CDKL4: variants seen among roughly 807,000 people sequenced by gnomAD.
CDKL4 encodes the protein cyclin dependent kinase like 4, also known as cyclin-dependent kinase-like 4.
A neutral mutation model predicts 42.0 loss-of-function variants in CDKL4; 44 were observed. The observed-to-expected ratio is 1.05, with a 90% CI of 0.82 to 1.35. The LOEUF (loss-of-function observed/expected upper bound fraction) is 1.35. Ranked by LOEUF, CDKL4 falls within the 40% of genes most tolerant of loss-of-function variation. The probability of loss-of-function intolerance (pLI) is 0.00; values close to 1 mark genes in which losing one functional copy is unlikely to be tolerated. For synonymous variants in CDKL4, 120 were observed against 121.6 expected (o/e 0.99, Z 0.09); for missense variants, 393 against 369.9 (o/e 1.06, Z -0.51).
intron 6 of CDKL4, among the ~76,000 whole-genome samples, chr2:39,189,771 C>T (rs79439019): frequency 0.022 from 3,328 of 152,320 alleles, 42 homozygotes; most frequent in Middle Eastern, 0.027. Context: ...TATTGGAACA[C>T]AGCTATGCTC....
chr2:39,180,331 T>C (rs950968252), intron 8 of CDKL4, among the ~76,000 whole-genome samples: 1 of 152,374 alleles, frequency 6.6e-6, no homozygotes, highest in South Asian at 2.1e-4. Flanking sequence ...AAACATTGTT[T>C]TGAGGCATTC....
At chr2:39,231,675 T>C (rs1274898484) in intron 1 of CDKL4, among the ~76,000 whole-genome samples, 2 of 152,216 alleles carry the variant, frequency 1.3e-5, no homozygotes, top group Non-Finnish European at 2.9e-5. Context: ...TTTAAAGATA[T>C]TTAGATGTGA....
intron 5 of CDKL4, among the ~76,000 whole-genome samples, chr2:39,191,855 T>A (rs1203107406): frequency 6.6e-6 from 1 of 152,096 alleles, no homozygotes; most frequent in Non-Finnish European, 1.5e-5. Context: ...ACAAATGCAT[T>A]ACAGAGGAGG....
chr2:39,211,048 T>C (rs529138037), intron 4 of CDKL4, among the ~76,000 whole-genome samples: 3 of 152,366 alleles, frequency 2.0e-5, no homozygotes, highest in Admixed American at 2.0e-4. Flanking sequence ...TATGGTACTC[T>C]GTATCATTGC....
intron 5 of CDKL4, among the ~76,000 whole-genome samples, chr2:39,196,340 C>T (rs1377901056): frequency 2.0e-5 from 3 of 152,166 alleles, no homozygotes; most frequent in Non-Finnish European, 2.9e-5. Flanking sequence ...GATCACATCA[C>T]GGGACTCTTT....
intron 5 of CDKL4, among the ~76,000 whole-genome samples, chr2:39,193,950 T>G (rs1478343301): frequency 6.6e-6 from 1 of 152,212 alleles, no homozygotes; most frequent in East Asian, 1.9e-4. Context: ...TTTCCTTATT[T>G]CTGAATGACT....
At chr2:39,233,866 A>C (rs909765570) in intron 1 of CDKL4, among the ~76,000 whole-genome samples, 2 of 149,292 alleles carry the variant, frequency 1.3e-5, no homozygotes, top group Non-Finnish European at 3.0e-5. Flanking sequence ...AGTGGACAAA[A>C]ATTATTTAAG....
intron 8 of CDKL4, among the ~76,000 whole-genome samples, chr2:39,181,096 G>T (rs72927464): frequency 5.3e-5 from 8 of 151,996 alleles, no homozygotes; most frequent in Non-Finnish European, 1.0e-4. Flanking sequence ...TAATACCTCT[G>T]ACCTCTACTT....
chr2:39,200,454 C>T (rs1193029669), intron 5 of CDKL4, among the ~76,000 whole-genome samples: 1 of 152,012 alleles, frequency 6.6e-6, no homozygotes, highest in Non-Finnish European at 1.5e-5. Context: ...CATCAAAATA[C>T]CCCCATCATT....
rs1271302708 is a variant in CDKL4, at chr2:39,221,909, A to G, written c.290+3930T>C. ...GTTGCTTCTCTTGTGCATCCCTTGCATCAACATTAACCCAATCAACATAAC... is the reference window on the plus strand; with the variant it reads ...GTTGCTTCTCTTGTGCATCCCTTGCGTCAACATTAACCCAATCAACATAAC... On this transcript the variant is annotated intron_variant, in intron 3 of 9. Transcript: ENST00000451199. 2.0e-5 allele frequency among the ~76,000 whole-genome samples: 3 copies of G among 152,212 alleles called. No homozygotes were observed. In the East Asian group the frequency reaches 5.8e-4, roughly 29 times the overall value.
chr2:39,219,002 T>A (rs1678136301), intron 3 of CDKL4, among the ~76,000 whole-genome samples: 1 of 152,216 alleles, frequency 6.6e-6, no homozygotes. Context: ...GTGCTTTATT[T>A]TTCTTCAAAG....
rs144964804 is a variant in CDKL4, at chr2:39,234,619, G to C, written c.-56-5031C>G. ...TATATCTATTGAAAAGGCCCATTAGGTAGTTGGGAAAACTGACCCAGAACA... is the reference window on the plus strand; with the variant it reads ...TATATCTATTGAAAAGGCCCATTAGCTAGTTGGGAAAACTGACCCAGAACA... On this transcript the variant is annotated intron_variant, in intron 1 of 9. Coordinates refer to ENST00000451199, the Ensembl canonical transcript of CDKL4. Among the ~76,000 whole-genome samples the C allele has an allele frequency of 5.9e-5, 9 of 152,206 alleles. No homozygotes were observed. The East Asian group carries it at 1.7e-3, about 29-fold the overall frequency.
At chr2:39,221,605 A>G (rs1416241881) in intron 3 of CDKL4, among the ~76,000 whole-genome samples, 1 of 152,228 alleles carries the variant, frequency 6.6e-6, no homozygotes, top group Non-Finnish European at 1.5e-5. Context: ...TCCATGCATA[A>G]TAGATTGAAG....
At chr2:39,174,193 T>C (rs1027082940), downstream of CDKL4, among the ~76,000 whole-genome samples, 29 of 152,064 alleles carry the variant, frequency 1.9e-4, no homozygotes, top group African/African-American at 6.5e-4. Context: ...TCACTTGAGC[T>C]CATGAGTTAG....
intron 1 of CDKL4, among the ~76,000 whole-genome samples, chr2:39,234,115 G>A (rs1424994091): frequency 6.6e-6 from 1 of 151,776 alleles, no homozygotes; most frequent in African/African-American, 2.4e-5. Context: ...GGGTTTCACT[G>A]TGTTAGCCAG....
intron 7 of CDKL4, 46 bp from the exon 8 acceptor site, chr2:39,184,693 A>C: frequency 7.7e-7 from 1 of 1,302,098 alleles, no homozygotes; most frequent in East Asian, 2.3e-5. Flanking sequence ...AGAACAAAGT[A>C]ATATGTGTGT....
intron 3 of CDKL4, among the ~76,000 whole-genome samples, chr2:39,218,619 C>A (rs114513046): frequency 0.018 from 2,789 of 152,296 alleles, 89 homozygotes; most frequent in African/African-American, 0.062. Flanking sequence ...TGAGGGCAGG[C>A]AGGCAGGCAT....
chr2:39,191,120 C>G (rs1266967690), intron 5 of CDKL4, among the ~76,000 whole-genome samples: 1 of 152,078 alleles, frequency 6.6e-6, no homozygotes. Context: ...GGCTAGAGGC[C>G]GGGCATGGTG....
At chr2:39,227,457 A>T (rs1678822520) in intron 2 of CDKL4, among the ~76,000 whole-genome samples, 1 of 152,198 alleles carries the variant, frequency 6.6e-6, no homozygotes. Flanking sequence ...AGCTGGGGAA[A>T]AGAGAATCCA....
Sources: allele counts gnomAD v4.1 joint callset (sites outside exome capture counted in the v4.1 genomes callset), GRCh38; gene constraint gnomAD v4.1.1; transcripts MANE v1.5; gene names NCBI Gene and HGNC (gene_info 2026-07-23, HGNC 2026-07-21).